DCDC1: variants seen among roughly 807,000 people sequenced by gnomAD.
The protein encoded by DCDC1 is doublecortin domain-containing protein 1.
In DCDC1, 200 loss-of-function variants were observed where a neutral mutation model predicts 178.3. That is an observed-to-expected ratio of 1.12 (90% CI 1.00 to 1.26). DCDC1 has a LOEUF of 1.26. Among genes scored for constraint, DCDC1 ranks in the 50% most tolerant of loss-of-function variants. The probability of loss-of-function intolerance (pLI) is 0.00; values close to 1 mark genes in which losing one functional copy is unlikely to be tolerated. For synonymous variants in DCDC1, 690 were observed against 604.8 expected, an observed-to-expected ratio of 1.14 and a Z score of -2.07; for missense variants, 1,983 against 1,749.2, an observed-to-expected ratio of 1.13 and a Z score of -2.38.
chr11:31,105,401 CG>C (rs1565289802), intron 13 of DCDC1, among the ~76,000 whole-genome samples: 1 of 151,520 alleles, frequency 6.6e-6, no homozygotes, highest in Non-Finnish European at 1.5e-5. Context: ...CATCATTAAA[CG>C]TATCAAAATT....
At chr11:31,310,369 A>G (rs1366398632) in intron 3 of DCDC1, among the ~76,000 whole-genome samples, 1 of 114,436 alleles carries the variant, frequency 8.7e-6, no homozygotes, top group Non-Finnish European at 1.6e-5. Context: ...CCCAGGCTGG[A>G]GTGCAGTGGC....
intron 21 of DCDC1, chr11:30,944,444 C>T: frequency 2.5e-6 from 1 of 403,414 alleles, no homozygotes; most frequent in Admixed American, 2.7e-5. Flanking sequence ...ATTCTGAATG[C>T]CACAATATGA....
chr11:31,151,396 A>C (rs749368718), intron 9 of DCDC1, among the ~76,000 whole-genome samples: 60 of 152,202 alleles, frequency 3.9e-4, no homozygotes, highest in Non-Finnish European at 7.1e-4. Flanking sequence ...AACAAATTAC[A>C]TTTGGAGCCT....
At chr11:31,235,761 C>T (rs1976377898) in intron 9 of DCDC1, among the ~76,000 whole-genome samples, 1 of 151,894 alleles carries the variant, frequency 6.6e-6, no homozygotes, top group Admixed American at 6.6e-5. Context: ...TTATGAGATG[C>T]AGTTTTTAAG....
At chr11:31,256,176 A>G (rs1416067388) in intron 8 of DCDC1, among the ~76,000 whole-genome samples, 1 of 152,154 alleles carries the variant, frequency 6.6e-6, no homozygotes, top group Non-Finnish European at 1.5e-5. Flanking sequence ...TATTCCATTG[A>G]TCTATATGCC....
At chr11:30,880,801 T>A (rs531774272) in intron 37 of DCDC1, among the ~76,000 whole-genome samples, 1 of 152,274 alleles carries the variant, frequency 6.6e-6, no homozygotes, top group African/African-American at 2.4e-5. Context: ...ATAATTACTA[T>A]TAATAAAACA....
intron 21 of DCDC1, chr11:30,943,298 C>T (rs1947789840): frequency 6.5e-6 from 1 of 154,176 alleles, no homozygotes; most frequent in Admixed American, 6.5e-5. Context: ...CCTCTTTTAT[C>T]TATTTGCTAT....
chr11:31,133,613 C>G (rs1962733967), intron 10 of DCDC1, among the ~76,000 whole-genome samples: 1 of 152,178 alleles, frequency 6.6e-6, no homozygotes. Context: ...GGAAGTTGAG[C>G]TGGGTGTAAC....
chr11:31,349,844 A>T (rs1339654339), intron 1 of DCDC1, among the ~76,000 whole-genome samples: 1 of 152,202 alleles, frequency 6.6e-6, no homozygotes, highest in African/African-American at 2.4e-5. Flanking sequence ...CCAAAAAAAT[A>T]AAATAAAATA....
At chr11:31,142,273 C>A (rs1204313811) in intron 9 of DCDC1, among the ~76,000 whole-genome samples, 1 of 152,128 alleles carries the variant, frequency 6.6e-6, no homozygotes, top group Non-Finnish European at 1.5e-5. Flanking sequence ...TGAGTCTGTA[C>A]CCTTTCAAAT....
At chr11:31,282,844 GAT>G (rs1462380386) in intron 7 of DCDC1, among the ~76,000 whole-genome samples, 1 of 152,004 alleles carries the variant, frequency 6.6e-6, no homozygotes, top group East Asian at 1.9e-4. Flanking sequence ...AAAATAATAA[GAT>G]AACCAGTTTT....
At chr11:30,891,137 C>T (rs2134044882) in intron 36 of DCDC1, among the ~76,000 whole-genome samples, 1 of 152,212 alleles carries the variant, frequency 6.6e-6, no homozygotes. Flanking sequence ...GTCAATTTGA[C>T]ATATTAATTT....
At chr11:31,090,490 T>C (rs1957756215) in intron 17 of DCDC1, among the ~76,000 whole-genome samples, 2 of 152,132 alleles carry the variant, frequency 1.3e-5, no homozygotes, top group Admixed American at 6.6e-5. Context: ...CCCTATCAGA[T>C]TGTTGTAAGG....
At chr11:31,231,831 T>G (rs1975808209) in intron 9 of DCDC1, among the ~76,000 whole-genome samples, 1 of 152,252 alleles carries the variant, frequency 6.6e-6, no homozygotes, top group Non-Finnish European at 1.5e-5. Context: ...CCCACCACCA[T>G]GTGTGAAAGA....
chr11:31,323,557 T>C (rs1052153475), intron 3 of DCDC1, among the ~76,000 whole-genome samples: 1 of 152,196 alleles, frequency 6.6e-6, no homozygotes, highest in Admixed American at 6.5e-5. Context: ...CAAGCATATA[T>C]TTCTTGCTTT....
chr11:30,963,870 T>C (rs1949264433), intron 20 of DCDC1, among the ~76,000 whole-genome samples: 1 of 152,118 alleles, frequency 6.6e-6, no homozygotes, highest in Non-Finnish European at 1.5e-5. Flanking sequence ...CCTCTGAACA[T>C]TTTACTGCTT....
chr11:31,257,857 A>G (rs1944521295), intron 8 of DCDC1, among the ~76,000 whole-genome samples: 1 of 152,182 alleles, frequency 6.6e-6, no homozygotes, highest in Non-Finnish European at 1.5e-5. Flanking sequence ...AATCAGAAAC[A>G]GTAACTGGGA....
chr11:31,149,149 G>T (rs1356355999), intron 9 of DCDC1, among the ~76,000 whole-genome samples: 1 of 152,080 alleles, frequency 6.6e-6, no homozygotes, highest in Non-Finnish European at 1.5e-5. Flanking sequence ...TTGGTTGATG[G>T]GCACCTGCAA....
At chr11:31,007,743 A>C (rs1387077343) in intron 20 of DCDC1, among the ~76,000 whole-genome samples, 1 of 145,160 alleles carries the variant, frequency 6.9e-6, no homozygotes, top group Non-Finnish European at 1.5e-5. Flanking sequence ...GGCTCACTGC[A>C]ACCTCCGCCT....
Sources: allele counts gnomAD v4.1 joint callset (sites outside exome capture counted in the v4.1 genomes callset), GRCh38; gene constraint gnomAD v4.1.1; transcripts MANE v1.5; gene names NCBI Gene and HGNC (gene_info 2026-07-23, HGNC 2026-07-21).